SPAG16: variants seen among roughly 807,000 people sequenced by gnomAD.
SPAG16 encodes sperm-associated antigen 16 protein.
Under a neutral mutation model 80.4 loss-of-function variants are expected in SPAG16, and 86 were observed. That is an observed-to-expected ratio of 1.07 (90% confidence interval 0.90 to 1.28). SPAG16 has a LOEUF of 1.28. SPAG16 is among the 50% of genes most tolerant of loss of function. SPAG16 has a pLI of 0.00. For missense variants in SPAG16, 870 were observed against 765.3 expected (o/e 1.14, Z -1.61); for synonymous variants, 294 against 265.9 (o/e 1.11, Z -1.03).
chr2:213,676,589 T>C (rs1039761878), intron 10 of SPAG16, among the ~76,000 whole-genome samples: 5 of 152,206 alleles, frequency 3.3e-5, no homozygotes, highest in Non-Finnish European at 5.9e-5. Flanking sequence ...GTTTTTAGCA[T>C]GAAGGGTTGT....
chr2:213,689,381 C>A (rs1167963896), intron 10 of SPAG16, among the ~76,000 whole-genome samples: 1 of 152,002 alleles, frequency 6.6e-6, no homozygotes, highest in African/African-American at 2.4e-5. Flanking sequence ...GTTTGGATGC[C>A]AAACAATGTG....
At chr2:213,352,608 A>G (rs993139183) in intron 7 of SPAG16, among the ~76,000 whole-genome samples, 36 of 152,222 alleles carry the variant, frequency 2.4e-4, no homozygotes, top group Non-Finnish European at 1.2e-4. Flanking sequence ...TTGTGTTGTA[A>G]AACACCCAAG....
intron 13 of SPAG16, among the ~76,000 whole-genome samples, chr2:214,018,087 G>A (rs1432262120): frequency 1.3e-5 from 2 of 151,668 alleles, no homozygotes; most frequent in African/African-American, 4.8e-5. Context: ...ATAATGCAAA[G>A]GAAACTCATT....
chr2:213,340,981 A>G (rs1046946632), intron 6 of SPAG16, among the ~76,000 whole-genome samples: 14 of 152,314 alleles, frequency 9.2e-5, no homozygotes, highest in African/African-American at 3.4e-4. Context: ...ATTTATATTT[A>G]AAAATATACC....
At chr2:214,377,175 T>G (rs1405358219) in intron 15 of SPAG16, among the ~76,000 whole-genome samples, 1 of 152,164 alleles carries the variant, frequency 6.6e-6, no homozygotes, top group Non-Finnish European at 1.5e-5. Flanking sequence ...CGTGAGCAGT[T>G]CATCTCTTCG....
intron 10 of SPAG16, among the ~76,000 whole-genome samples, chr2:213,576,236 T>C (rs2060120101): frequency 6.6e-6 from 1 of 152,148 alleles, no homozygotes; most frequent in Non-Finnish European, 1.5e-5. Flanking sequence ...TAGTTGTAGG[T>C]GTGTGGTCTT....
At chr2:213,396,783 C>T (rs926506305) in intron 9 of SPAG16, 2 of 377,856 alleles carry the variant, frequency 5.3e-6, no homozygotes, top group Non-Finnish European at 1.1e-5. Context: ...CCAATCCTCC[C>T]TTTCGTCAAC....
At chr2:214,158,609 A>T (rs569992439) in intron 15 of SPAG16, among the ~76,000 whole-genome samples, 2 of 152,148 alleles carry the variant, frequency 1.3e-5, no homozygotes, top group African/African-American at 4.8e-5. Context: ...TAACTTTACA[A>T]ATTGCAGCAT....
At chr2:213,399,150 T>C (rs2068193124) in intron 9 of SPAG16, among the ~76,000 whole-genome samples, 1 of 152,104 alleles carries the variant, frequency 6.6e-6, no homozygotes, top group African/African-American at 2.4e-5. Context: ...GTCTAGGTCC[T>C]CCAGAAAGTT....
rs1163146309 is a variant in SPAG16 at position 214,012,259 on chromosome 2, C to CATATATATATAT, written c.1401-1673_1401-1662dup. Among the ~76,000 whole-genome samples, 166 of 39,796 alleles carry CATATATATATAT rather than the reference C, an allele frequency of 4.2e-3. 3 individuals are homozygous for CATATATATATAT. Among genetic ancestry groups the CATATATATATAT allele is most frequent in the Non-Finnish European group, 6.5e-3 (134 of 20,670 alleles). The allele number at this position is 39,796 out of a possible 152,430, so 26.1% of individuals were successfully genotyped here. ...TTATATATATATATTTTTATACTTA[C>CATATATATATAT]ATATATATATATATATATATATATA... On this transcript the variant is annotated intron_variant, in intron 12 of 15. Transcript: ENST00000331683.
At chr2:214,050,513 G>A (rs1326042849) in intron 13 of SPAG16, among the ~76,000 whole-genome samples, 4 of 143,460 alleles carry the variant, frequency 2.8e-5, no homozygotes, top group Non-Finnish European at 6.0e-5. Flanking sequence ...AGAACTTAAC[G>A]TAATTCATAT....
chr2:214,270,866 G>A (rs1025023472), intron 15 of SPAG16, among the ~76,000 whole-genome samples: 4 of 151,926 alleles, frequency 2.6e-5, no homozygotes, highest in African/African-American at 9.7e-5. Context: ...TCTTTCACAG[G>A]ATGTGTCACA....
At chr2:213,458,445 G>A (rs1024788433) in intron 9 of SPAG16, among the ~76,000 whole-genome samples, 28 of 152,032 alleles carry the variant, frequency 1.8e-4, no homozygotes. Flanking sequence ...GGTGGTGACT[G>A]CCTATAATCC....
intron 11 of SPAG16, among the ~76,000 whole-genome samples, chr2:213,916,544 G>A (rs368694969): frequency 1.3e-5 from 2 of 152,172 alleles, no homozygotes; most frequent in South Asian, 4.1e-4. Context: ...AAGTCAGGTA[G>A]TGTGATGCCT....
intron 15 of SPAG16, among the ~76,000 whole-genome samples, chr2:214,280,442 G>T (rs767082707): frequency 1.3e-5 from 2 of 152,114 alleles, no homozygotes; most frequent in Non-Finnish European, 2.9e-5. Flanking sequence ...CATATTTGGA[G>T]TAGTAACACT....
intron 10 of SPAG16, among the ~76,000 whole-genome samples, chr2:213,815,367 G>C (rs921137795): frequency 6.6e-6 from 1 of 152,112 alleles, no homozygotes; most frequent in African/African-American, 2.4e-5. Context: ...GGGGAATGAT[G>C]GAAATGTCCT....
At chr2:213,654,849 CA>C (rs1413392554) in intron 10 of SPAG16, among the ~76,000 whole-genome samples, 1 of 152,010 alleles carries the variant, frequency 6.6e-6, no homozygotes, top group Non-Finnish European at 1.5e-5. Flanking sequence ...GGAATAATGC[CA>C]ATACTATCAA....
At chr2:213,869,791 T>G (rs181136754) in intron 11 of SPAG16, among the ~76,000 whole-genome samples, 74 of 152,128 alleles carry the variant, frequency 4.9e-4, no homozygotes, top group Non-Finnish European at 8.5e-4. Flanking sequence ...AAGTATTAAT[T>G]TTAGCTTTAT....
chr2:213,991,109 C>T (rs903901045), intron 12 of SPAG16, among the ~76,000 whole-genome samples: 1 of 151,952 alleles, frequency 6.6e-6, no homozygotes, highest in Non-Finnish European at 1.5e-5. Context: ...ACCCATCAAC[C>T]CATCATCTAC....
Sources: allele counts gnomAD v4.1 joint callset (sites outside exome capture counted in the v4.1 genomes callset), GRCh38; gene constraint gnomAD v4.1.1; transcripts MANE v1.5; gene names NCBI Gene and HGNC (gene_info 2026-07-23, HGNC 2026-07-21).